Variants in PIK3C2G observed in about 807,000 individuals in gnomAD.
PIK3C2G encodes phosphatidylinositol 3-kinase C2 domain-containing subunit gamma.
A neutral mutation model predicts 181.1 loss-of-function variants in PIK3C2G; 168 were observed. The ratio of observed to expected loss-of-function variants is 0.93; its 90% CI spans 0.82 to 1.05. The LOEUF (loss-of-function observed/expected upper bound fraction) is 1.05, where lower values mean the gene tolerates loss of function less well. PIK3C2G is among the 50% of genes least tolerant of loss of function. The pLI is 0.00. For synonymous variants in PIK3C2G, 573 were observed against 592.2 expected, an observed-to-expected ratio of 0.97 and a Z score of 0.47; for missense variants, 1,869 against 1,732.8, an observed-to-expected ratio of 1.08 and a Z score of -1.40.
chr12:18,370,231 G>C (rs904375041), intron 12 of PIK3C2G, among the ~76,000 whole-genome samples: 1 of 152,082 alleles, frequency 6.6e-6, no homozygotes, highest in African/African-American at 2.4e-5. Flanking sequence ...TGCCACCTAC[G>C]TATACCCCAT....
At chr12:18,396,126 A>G (rs1403460883) in intron 15 of PIK3C2G, among the ~76,000 whole-genome samples, 3 of 151,724 alleles carry the variant, frequency 2.0e-5, no homozygotes, top group Non-Finnish European at 3.0e-5. Flanking sequence ...AAAAAGCAAT[A>G]TATAATTTTA....
At chr12:18,563,255 C>T in intron 27 of PIK3C2G, 122 bp from the exon 28 acceptor site, 1 of 860,644 alleles carries the variant, frequency 1.2e-6, no homozygotes, top group Non-Finnish European at 1.7e-6. Context: ...CATCTCCTAG[C>T]TTTTATGATA....
chr12:18,673,908 T>G, the PIK3C2G span, among the ~76,000 whole-genome samples: 3 of 152,192 alleles, frequency 2.0e-5, no homozygotes, highest in Non-Finnish European at 2.9e-5. Context: ...TTCATCATAG[T>G]GTGCAAGCCA....
At chr12:18,345,983 T>C (rs1450845489) in intron 10 of PIK3C2G, among the ~76,000 whole-genome samples, 1 of 152,206 alleles carries the variant, frequency 6.6e-6, no homozygotes, top group East Asian at 1.9e-4. Context: ...CTATAACTAG[T>C]AATTTTTCAT....
At chr12:18,384,757 A>T (rs1008518118) in intron 14 of PIK3C2G, among the ~76,000 whole-genome samples, 5 of 152,234 alleles carry the variant, frequency 3.3e-5, no homozygotes, top group African/African-American at 1.2e-4. Context: ...TGGATCCATA[A>T]TAGAATTCAT....
At chr12:18,726,243 G>C in the PIK3C2G span, among the ~76,000 whole-genome samples, 1 of 151,954 alleles carries the variant, frequency 6.6e-6, no homozygotes, top group Non-Finnish European at 1.5e-5. Flanking sequence ...CCCACCTCAG[G>C]GTTCACTACC....
chr12:18,503,042 G>GA (rs1941600477), intron 22 of PIK3C2G, among the ~76,000 whole-genome samples: 1 of 152,056 alleles, frequency 6.6e-6, no homozygotes, highest in Non-Finnish European at 1.5e-5. Context: ...CATAGCTCTA[G>GA]AAAAAATATT....
intron 32 of PIK3C2G, among the ~76,000 whole-genome samples, chr12:18,644,029 C>A (rs540715374): frequency 6.6e-6 from 1 of 152,240 alleles, no homozygotes; most frequent in East Asian, 1.9e-4. Context: ...TTCCTATCCT[C>A]CTTTCTCCTT....
intron 1 of PIK3C2G, among the ~76,000 whole-genome samples, chr12:18,255,595 G>A (rs1296879226): frequency 6.6e-6 from 1 of 152,176 alleles, no homozygotes; most frequent in South Asian, 2.1e-4. Context: ...GCAGACAGGA[G>A]AGCGCACAGA....
rs79359121 is a variant in PIK3C2G at position 18,564,675 on chromosome 12, T to C, written c.3902+1177T>C. Among the ~76,000 whole-genome samples, 77 of 152,078 alleles carry C rather than the reference T, an allele frequency of 5.1e-4. 1 individual carries two copies. Among genetic ancestry groups the C allele is most frequent in the African/African-American group, 1.8e-3 (76 of 41,476 alleles). On this transcript the variant is annotated intron_variant, in intron 28 of 32. Transcript: ENST00000538779. ...GGGAGGCAAAGTCATTCTGGCAACT[T>C]TTAGAAGGAACATCAAGTTTTAGAA...
rs201386630 is a variant in PIK3C2G at position 18,497,714 on chromosome 12, C to A, written c.2982C>A (p.Ile994=). The A allele has an allele frequency of 6.2e-7, 1 of 1,611,996 alleles. No individual in the cohort carries two copies. Among genetic ancestry groups the A allele is most frequent in the East Asian group, 2.2e-5 (1 of 44,778 alleles). The change falls in exon 22 of 33, where the codon ATC becomes ATA. Residue 994 remains isoleucine (I), a synonymous_variant. Transcript: ENST00000538779. ...AGGAAGGCTTGGATATGCAAATGATCATTTATAGATGTCTATCCACAGGAA... is the reference window on the plus strand; with the variant it reads ...AGGAAGGCTTGGATATGCAAATGATAATTTATAGATGTCTATCCACAGGAA... ...WLQEGLDMQM[I]IYRCLSTGKD... is the part of the protein sequence containing the mutation.
At chr12:18,515,786 A>T (rs1278308892) in intron 24 of PIK3C2G, among the ~76,000 whole-genome samples, 5 of 151,792 alleles carry the variant, frequency 3.3e-5, no homozygotes, top group South Asian at 2.1e-4. Context: ...TTCTAGTTCC[A>T]TGAGGTATAA....
intron 31 of PIK3C2G, among the ~76,000 whole-genome samples, chr12:18,614,416 T>C (rs773506197): frequency 1.3e-5 from 2 of 152,134 alleles, no homozygotes; most frequent in Non-Finnish European, 2.9e-5. Flanking sequence ...TTCTAACAGC[T>C]AACAAACACC....
At chr12:18,477,646 G>A (rs545619113) in intron 18 of PIK3C2G, among the ~76,000 whole-genome samples, 7 of 152,236 alleles carry the variant, frequency 4.6e-5, no homozygotes, top group South Asian at 2.1e-4. Flanking sequence ...TTATGACAAC[G>A]AACGAGAATG....
intron 1 of PIK3C2G, among the ~76,000 whole-genome samples, chr12:18,249,426 T>A (rs1006157860): frequency 6.6e-6 from 1 of 152,326 alleles, no homozygotes; most frequent in East Asian, 1.9e-4. Flanking sequence ...TACTTGCTTC[T>A]CTTTCTCCCT....
intron 18 of PIK3C2G, among the ~76,000 whole-genome samples, chr12:18,482,545 T>G (rs778655833): frequency 6.6e-6 from 1 of 152,156 alleles, no homozygotes; most frequent in Non-Finnish European, 1.5e-5. Flanking sequence ...TATTTAAACC[T>G]TGAGTAACAT....
At chr12:18,468,839 A>C (rs766814256) in intron 18 of PIK3C2G, among the ~76,000 whole-genome samples, 7 of 152,118 alleles carry the variant, frequency 4.6e-5, no homozygotes, top group Non-Finnish European at 1.0e-4. Context: ...GCTGTGAAGA[A>C]GAGACTACAG....
downstream of PIK3C2G, among the ~76,000 whole-genome samples, chr12:18,650,477 G>A (rs1316723957): frequency 6.8e-6 from 1 of 147,414 alleles, no homozygotes; most frequent in Non-Finnish European, 1.5e-5. Flanking sequence ...GTAAACACTT[G>A]CTAATTAAAT....
intron 18 of PIK3C2G, among the ~76,000 whole-genome samples, chr12:18,463,005 C>T (rs1346385940): frequency 6.6e-5 from 10 of 151,994 alleles, no homozygotes; most frequent in Admixed American, 1.3e-4. Flanking sequence ...ATACTATAGC[C>T]TTTATTGGAT....
Sources: allele counts gnomAD v4.1 joint callset (sites outside exome capture counted in the v4.1 genomes callset), GRCh38; gene constraint gnomAD v4.1.1; transcripts MANE v1.5; gene names NCBI Gene and HGNC (gene_info 2026-07-23, HGNC 2026-07-21).